The following DMD variants were observed in gnomAD, a reference collection of about 807,000 sequenced individuals.
DMD encodes mutant dystrophin.
A neutral mutation model predicts 330.1 loss-of-function variants in DMD; 63 were observed. The ratio of observed to expected loss-of-function variants is 0.19; its 90% CI spans 0.16 to 0.24. The LOEUF is 0.24. Among genes scored for constraint, DMD ranks in the 10% least tolerant of loss-of-function variants. DMD has a pLI of 1.00. For synonymous variants in DMD, 1,223 were observed against 959.8 expected, an observed-to-expected ratio of 1.27 and a Z score of -5.07; for missense variants, 3,344 against 2,684.1, an observed-to-expected ratio of 1.25 and a Z score of -5.43.
At chrX:32,217,244 C>G (rs112596029) in intron 43 of DMD, among the ~76,000 whole-genome samples, 181 bp from the exon 44 acceptor site, 4 of 111,114 alleles carry the variant, frequency 3.6e-5, no homozygotes, top group African/African-American at 1.3e-4. Flanking sequence ...CATGTACACA[C>G]AACATTTTAA....
chrX:31,266,911 G>GCGCCGCCGC, intron 62 of DMD: 5 of 1,174,661 alleles, frequency 4.3e-6, no homozygotes, highest in Non-Finnish European at 5.7e-6. Flanking sequence ...CGAAAGTGGA[G>GCGCCGCCGC]CGCCGCCGCC....
chrX:33,038,015 A>G (rs1379493474), intron 1 of DMD, among the ~76,000 whole-genome samples: 1 of 112,345 alleles, frequency 8.9e-6, no homozygotes, highest in East Asian at 2.8e-4. Flanking sequence ...ACTTTGCTAG[A>G]CACCAAAAGT....
intron 63 of DMD, among the ~76,000 whole-genome samples, chrX:31,256,028 G>A (rs945817452): frequency 6.4e-5 from 7 of 109,956 alleles, no homozygotes; most frequent in Non-Finnish European, 1.1e-4. Flanking sequence ...CGCCCACCTC[G>A]ACCTCCCAAA....
At chrX:31,176,320 A>T (rs181513893) in intron 71 of DMD, among the ~76,000 whole-genome samples, 10 of 111,865 alleles carry the variant, frequency 8.9e-5, no homozygotes, top group Admixed American at 7.6e-4. Context: ...ATATTTTTAA[A>T]TAAAAGATGT....
intron 2 of DMD, among the ~76,000 whole-genome samples, chrX:32,862,020 C>CT (rs2149088840): frequency 8.9e-6 from 1 of 111,829 alleles, no homozygotes; most frequent in Admixed American, 9.5e-5. Context: ...CCGTCGTCTT[C>CT]TTTAATAGTG....
chrX:32,952,139 G>T (rs769756310), intron 2 of DMD, among the ~76,000 whole-genome samples: 10 of 100,872 alleles, frequency 9.9e-5, no homozygotes, highest in Admixed American at 1.1e-4. Flanking sequence ...TTTTTTGTTT[G>T]TTTTTTTTTT....
intron 2 of DMD, among the ~76,000 whole-genome samples, chrX:32,915,893 T>TTTC (rs1456287915): frequency 2.7e-5 from 3 of 111,741 alleles, no homozygotes; most frequent in Non-Finnish European, 5.6e-5. Context: ...TTGTATGATT[T>TTTC]TTCTTTTCAA....
intron 49 of DMD, among the ~76,000 whole-genome samples, chrX:31,833,375 G>GAGAC (rs1263237250): frequency 1.9e-5 from 2 of 106,256 alleles, no homozygotes; most frequent in East Asian, 3.0e-4. Context: ...GAGAGAGAGA[G>GAGAC]AGAGAGACAG....
At chrX:31,641,631 C>T (rs2079771048) in intron 54 of DMD, among the ~76,000 whole-genome samples, 1 of 111,310 alleles carries the variant, frequency 9.0e-6, no homozygotes, top group African/African-American at 3.3e-5. Flanking sequence ...CTTGTTATTC[C>T]CAAACATCCC....
intron 1 of DMD, among the ~76,000 whole-genome samples, chrX:33,151,222 A>G (rs2048271194): frequency 8.9e-6 from 1 of 112,499 alleles, no homozygotes; most frequent in Admixed American, 9.4e-5. Flanking sequence ...TTCTTGTCTG[A>G]AACATATAAG....
intron 51 of DMD, among the ~76,000 whole-genome samples, chrX:31,767,701 C>A (rs2090087319): frequency 8.9e-6 from 1 of 111,819 alleles, no homozygotes; most frequent in East Asian, 2.8e-4. Flanking sequence ...CCCATCAATT[C>A]TTCCAGGGCT....
chrX:32,966,015 T>C (rs2092137926), intron 2 of DMD, among the ~76,000 whole-genome samples: 1 of 112,024 alleles, frequency 8.9e-6, no homozygotes, highest in African/African-American at 3.2e-5. Flanking sequence ...GTAGCAACAG[T>C]GACATTGAAT....
chrX:32,390,329 C>A (rs969323745), intron 30 of DMD, 148 bp from the exon 31 acceptor site: 1 of 482,798 alleles, frequency 2.1e-6, no homozygotes, highest in African/African-American at 2.4e-5. Flanking sequence ...TGGTGGTTCA[C>A]ACCTGTAATC....
In DMD at chrX:31,138,624, G is replaced by GGAGAGAGA. The variant is rs1175532244; in HGVS notation, c.10922-4438_10922-4431dup. On this transcript the variant is annotated intron_variant, in intron 76 of 78. Coordinates refer to ENST00000357033, the MANE Select transcript of DMD (RefSeq NM_004006.3). ...GCAAGGCACCTCTTACATGGCAGCA[G>GGAGAGAGA]GAGAGAGAGAGAGAGAGAGAGAGAG... Among the ~76,000 whole-genome samples the GGAGAGAGA allele has an allele frequency of 1.5e-4, 9 of 58,762 alleles. No homozygotes were observed. In the East Asian group the frequency reaches 1.9e-3, roughly 12 times the overall value. The allele number at this position is 58,762 out of a possible 115,157, so 51.0% of individuals were successfully genotyped here. A position where few individuals can be genotyped will look rare whatever the true frequency, so the allele number is the denominator to read the frequency against.
intron 33 of DMD, among the ~76,000 whole-genome samples, chrX:32,385,566 G>T (rs1458335480): frequency 2.7e-5 from 3 of 110,321 alleles, no homozygotes; most frequent in African/African-American, 9.9e-5. Context: ...AACCTAAAAA[G>T]CTTCTGCTCA....
At chrX:31,201,449 T>C (rs1025071445) in intron 67 of DMD, among the ~76,000 whole-genome samples, 6 of 112,401 alleles carry the variant, frequency 5.3e-5, no homozygotes, top group African/African-American at 1.9e-4. Flanking sequence ...TCAACAAATA[T>C]GCAAGGATGG....
At chrX:32,205,005 T>TCTCTCACACACA (rs60181300) in intron 44 of DMD, among the ~76,000 whole-genome samples, 11 of 29,235 alleles carry the variant, frequency 3.8e-4, no homozygotes, top group African/African-American at 9.1e-4. Context: ...TCTCTCTCTC[T>TCTCTCACACACA]CACATACACA....
At chrX:32,252,725 A>AATATATAAATATAT (rs2097273042) in intron 43 of DMD, among the ~76,000 whole-genome samples, 1 of 36,429 alleles carries the variant, frequency 2.7e-5, no homozygotes, top group Non-Finnish European at 4.1e-5. Flanking sequence ...AATATATATA[A>AATATATAAATATAT]ATATATAAAT....
At chrX:31,689,349 T>C (rs2148802892) in intron 52 of DMD, among the ~76,000 whole-genome samples, 1 of 111,999 alleles carries the variant, frequency 8.9e-6, no homozygotes, top group South Asian at 3.7e-4. Context: ...AGCCAAATCA[T>C]GAGTGAACTC....
Sources: gnomAD v4.1 joint callset for allele counts (sites outside exome capture counted in the v4.1 genomes callset) on GRCh38, gnomAD v4.1.1 for gene constraint, MANE v1.5 for transcripts, NCBI Gene and HGNC (gene_info 2026-07-23, HGNC 2026-07-21) for gene names.